The following RGS6 variants were observed in gnomAD, a reference collection of about 807,000 sequenced individuals.
RGS6 encodes regulator of G-protein signaling 6.
RGS6 carries 30 observed loss-of-function variants against 78.5 expected under a neutral mutation model. The observed-to-expected ratio is 0.38, with a 90% CI of 0.29 to 0.52. RGS6 has a LOEUF of 0.52. RGS6 is among the 20% of genes least tolerant of loss of function. The pLI is 0.85. For synonymous variants in RGS6, 206 were observed against 206.0 expected (o/e 1.00, Z 0.00); for missense variants, 495 against 609.7 (o/e 0.81, Z 1.98).
chr14:72,061,078 T>TG (rs2093871709), intron 2 of RGS6, among the ~76,000 whole-genome samples: 1 of 152,210 alleles, frequency 6.6e-6, no homozygotes, highest in Non-Finnish European at 1.5e-5. Flanking sequence ...TGAAGGTAGA[T>TG]GGGAGCCATG....
intron 3 of RGS6, among the ~76,000 whole-genome samples, chr14:72,396,816 T>G (rs370589732): frequency 6.6e-6 from 1 of 152,218 alleles, no homozygotes; most frequent in Non-Finnish European, 1.5e-5. Flanking sequence ...TTTCCCCATT[T>G]CTTCTTTTTG....
chr14:71,894,831 T>A, the RGS6 span, among the ~76,000 whole-genome samples: 1 of 46,110 alleles, frequency 2.2e-5, no homozygotes, highest in Non-Finnish European at 5.2e-5. Flanking sequence ...TTCCTTTTTT[T>A]ATTTTTTTTT....
intron 2 of RGS6, among the ~76,000 whole-genome samples, chr14:72,320,989 A>G (rs2071814628): frequency 6.6e-6 from 1 of 150,640 alleles, no homozygotes; most frequent in Admixed American, 6.6e-5. Flanking sequence ...ATGAACATAT[A>G]TGTTAGTTTG....
At chr14:72,538,132 G>A (rs776357420) in intron 16 of RGS6, among the ~76,000 whole-genome samples, 8 of 152,202 alleles carry the variant, frequency 5.3e-5, no homozygotes, top group Non-Finnish European at 8.8e-5. Context: ...TTCTCCTTCT[G>A]TTTCTTCCTG....
At chr14:72,357,815 A>G (rs950683155) in intron 3 of RGS6, among the ~76,000 whole-genome samples, 2 of 152,192 alleles carry the variant, frequency 1.3e-5, no homozygotes, top group South Asian at 4.1e-4. Context: ...TTGCATAAGT[A>G]AGGAGGAACC....
At chr14:72,370,342 T>C (rs555940180) in intron 3 of RGS6, among the ~76,000 whole-genome samples, 15 of 152,158 alleles carry the variant, frequency 9.9e-5, no homozygotes, top group Non-Finnish European at 1.5e-4. Flanking sequence ...CCCATGGACA[T>C]TATCTCCTAT....
At chr14:72,072,477 T>G (rs1052286631) in intron 2 of RGS6, among the ~76,000 whole-genome samples, 3 of 152,056 alleles carry the variant, frequency 2.0e-5, no homozygotes, top group African/African-American at 7.2e-5. Context: ...CCGGCTAATT[T>G]TTTGTATTTT....
At chr14:72,431,290 T>A (rs1021241764) in intron 3 of RGS6, among the ~76,000 whole-genome samples, 1 of 152,190 alleles carries the variant, frequency 6.6e-6, no homozygotes, top group Non-Finnish European at 1.5e-5. Context: ...TCAAGGCTCA[T>A]CCTATACTTG....
At chr14:72,585,150 C>A in the RGS6 span, among the ~76,000 whole-genome samples, 1 of 151,286 alleles carries the variant, frequency 6.6e-6, no homozygotes, top group Non-Finnish European at 1.5e-5. Context: ...TACTTTCAGT[C>A]TACACATTTC....
At chr14:72,602,234 G>A in the RGS6 span, among the ~76,000 whole-genome samples, 2 of 152,204 alleles carry the variant, frequency 1.3e-5, no homozygotes, top group East Asian at 1.9e-4. Context: ...GGAAACTTAC[G>A]TCTTAAGGGT....
At chr14:71,875,222 C>A in the RGS6 span, among the ~76,000 whole-genome samples, 3,723 of 152,222 alleles carry the variant, frequency 0.024, 157 homozygotes, top group African/African-American at 0.085. Context: ...AGGAATGGTA[C>A]CAGCTCCTCT....
Position 72,562,648 on chromosome 14 carries a change from A to C in RGS6, c.*181A>C. The C allele has an allele frequency of 6.5e-7, 1 of 1,535,668 alleles. No homozygotes were observed. The highest frequency in any genetic ancestry group is 8.7e-7 in the Non-Finnish European group (1 of 1,146,754). ...GGGTGAATGGGGAGACCAGAAAGAA[A>C]GAGTCCACAGAGCCTGGGCTGGGCC... On this transcript the variant is annotated 3_prime_UTR_variant, in exon 18 of 18. Transcript: ENST00000553525.
At chr14:72,426,156 A>G (rs941837627) in intron 3 of RGS6, among the ~76,000 whole-genome samples, 7 of 152,318 alleles carry the variant, frequency 4.6e-5, no homozygotes, top group Admixed American at 1.3e-4. Flanking sequence ...GATCTAAGCT[A>G]TATTACTAAG....
intron 1 of RGS6, among the ~76,000 whole-genome samples, chr14:71,954,969 C>T (rs568906229): frequency 6.2e-4 from 95 of 152,192 alleles, no homozygotes; most frequent in Middle Eastern, 3.4e-3. Context: ...TTTCACCATG[C>T]GTTGTAATTT....
Position 72,476,750 on chromosome 14 carries a change from T to G in RGS6, c.702T>G (p.Tyr234Ter). 2 of 1,614,134 alleles carry G rather than the reference T, an allele frequency of 1.2e-6. No individual in the cohort carries two copies. The highest frequency in any genetic ancestry group is 1.7e-6 in the Non-Finnish European group (2 of 1,179,974). The change falls in exon 11 of 18, where the codon TAT (tyrosine) becomes TAG (stop). Residue 234 changes from tyrosine to a stop codon, truncating the protein, a stop_gained. Coordinates refer to ENST00000553525, the MANE Select transcript of RGS6 (RefSeq NM_001204424.2). LOFTEE classifies it high-confidence loss of function. ...CTTGCTTCTTCTCCTAGTCCGTGTA[T>G]GGCGTGACTGAAGAGTCCCAGGCAC... Reference protein sequence around the residue: ...KNPQKVKKSVYGVTEESQAQS... With the variant: ...KNPQKVKKSV
At chr14:72,588,454 C>G in the RGS6 span, among the ~76,000 whole-genome samples, 1 of 152,130 alleles carries the variant, frequency 6.6e-6, no homozygotes, top group African/African-American at 2.4e-5. Context: ...ATTAGATGTT[C>G]TGCATCATCA....
intron 2 of RGS6, among the ~76,000 whole-genome samples, chr14:72,149,687 C>A (rs1281734182): frequency 6.6e-6 from 1 of 152,136 alleles, no homozygotes; most frequent in Non-Finnish European, 1.5e-5. Context: ...TAGAAGCAAA[C>A]AGTGACTGGC....
chr14:72,314,670 G>A (rs2069598248), intron 2 of RGS6, among the ~76,000 whole-genome samples: 1 of 152,190 alleles, frequency 6.6e-6, no homozygotes, highest in Non-Finnish European at 1.5e-5. Flanking sequence ...TTGCCATTCT[G>A]CCACATTGCT....
At chr14:72,337,226 A>T (rs555755292) in intron 2 of RGS6, among the ~76,000 whole-genome samples, 266 of 81,264 alleles carry the variant, frequency 3.3e-3, no homozygotes, top group Non-Finnish European at 4.6e-3. Context: ...ACTGACTCCC[A>T]CCCCCATCAC....
Sources: allele counts gnomAD v4.1 joint callset (sites outside exome capture counted in the v4.1 genomes callset), GRCh38; gene constraint gnomAD v4.1.1; transcripts MANE v1.5; gene names NCBI Gene and HGNC (gene_info 2026-07-23, HGNC 2026-07-21).